MEGF6: variants seen among roughly 807,000 people sequenced by gnomAD.
MEGF6 encodes multiple EGF like domains 6.
A neutral mutation model predicts 207.1 loss-of-function variants in MEGF6; 184 were observed. The ratio of observed to expected loss-of-function variants is 0.89; its 90% CI spans 0.79 to 1.00. MEGF6 has a LOEUF of 1.00. MEGF6 is among the 50% of genes least tolerant of loss of function. The pLI is 0.00. For missense variants in MEGF6, 2,282 were observed against 2,202.9 expected, an observed-to-expected ratio of 1.04 and a Z score of -0.72; for synonymous variants, 1,038 against 910.0, an observed-to-expected ratio of 1.14 and a Z score of -2.53.
chr1:3,510,677 C>T (rs1557734728), intron 10 of MEGF6, 106 bp downstream of exon 10: 11 of 1,427,872 alleles, frequency 7.7e-6, no homozygotes, highest in East Asian at 2.5e-5. Context: ...CAGAGCAGGC[C>T]GACCCCATGC....
intron 17 of MEGF6, among the ~76,000 whole-genome samples, chr1:3,503,561 C>T (rs1425777321): frequency 1.3e-5 from 2 of 151,986 alleles, no homozygotes; most frequent in Non-Finnish European, 2.9e-5. Context: ...TCTGGCGAGG[C>T]CTGTTCACTG....
rs747835471 is a variant in MEGF6 at position 3,514,541 on chromosome 1, G to T, written c.853+9C>A. On this transcript the variant is annotated intron_variant, in intron 7 of 36. Transcript: ENST00000356575. ...CTGGGCGGGGCGGAGCAGGGGAGGG[G>T]CGTCCTACCTTCACAGGCCTTGCCG... 5.0e-6 allele frequency: 8 copies of T among 1,587,842 alleles called. No individual in the cohort carries two copies. In the South Asian group the frequency reaches 9.1e-5, roughly 18 times the overall value.
intron 3 of MEGF6, 31 bp downstream of exon 3, chr1:3,595,307 G>C: frequency 6.6e-7 from 1 of 1,513,262 alleles, no homozygotes; most frequent in South Asian, 1.1e-5. Flanking sequence ...TGGAGGTGGA[G>C]GGAGGGCGGG....
At chr1:3,611,715 A>C, upstream of MEGF6, among the ~76,000 whole-genome samples, 2 of 66,742 alleles carry the variant, frequency 3.0e-5, no homozygotes, top group Non-Finnish European at 7.2e-5. Context: ...TCCTGCTTCC[A>C]GCCCCGCCCC....
rs550541652 is a variant in MEGF6 at position 3,582,799 on chromosome 1, C to G, written c.377-2870G>C. Among the ~76,000 whole-genome samples the G allele has an allele frequency of 3.9e-5, 6 of 152,272 alleles. No homozygotes were observed. The East Asian group carries it at 1.2e-3, about 29-fold the overall frequency. On this transcript the variant is annotated intron_variant, in intron 3 of 36. Transcript: ENST00000356575. ...CCCAAATGTCACTTCCACAGGGAGGCTCCCTAACCCGTCTCCAAATCAGAG... is the reference window on the plus strand; with the variant it reads ...CCCAAATGTCACTTCCACAGGGAGGGTCCCTAACCCGTCTCCAAATCAGAG...
At chr1:3,557,802 C>T (rs999027800) in intron 4 of MEGF6, among the ~76,000 whole-genome samples, 2 of 152,200 alleles carry the variant, frequency 1.3e-5, no homozygotes, top group Admixed American at 6.5e-5. Flanking sequence ...AGAAGCGGCC[C>T]GTGGGCAGAC....
chr1:3,539,429 G>T (rs1418762771), intron 4 of MEGF6, among the ~76,000 whole-genome samples: 1 of 152,066 alleles, frequency 6.6e-6, no homozygotes, highest in African/African-American at 2.4e-5. Flanking sequence ...CTAGGAACAC[G>T]GCCCCACCTG....
chr1:3,554,972 G>A (rs546228390), intron 4 of MEGF6, among the ~76,000 whole-genome samples: 64 of 152,328 alleles, frequency 4.2e-4, no homozygotes, highest in Middle Eastern at 3.4e-3. Context: ...AAGACAGGGC[G>A]GCTGGCAGGG....
intron 4 of MEGF6, among the ~76,000 whole-genome samples, chr1:3,549,618 T>C (rs1445501764): frequency 6.6e-6 from 1 of 152,138 alleles, no homozygotes; most frequent in Non-Finnish European, 1.5e-5. Context: ...CCGAAGACAC[T>C]GGCATGGGAT....
chr1:3,578,120 C>T (rs554052125), intron 4 of MEGF6, among the ~76,000 whole-genome samples: 119 of 152,234 alleles, frequency 7.8e-4, no homozygotes, highest in African/African-American at 2.7e-3. Context: ...GAGGACACGG[C>T]CAGGAAAGGC....
intron 34 of MEGF6, chr1:3,493,302 C>T (rs1281139339): frequency 4.5e-6 from 1 of 223,632 alleles, no homozygotes; most frequent in East Asian, 1.3e-4. Flanking sequence ...CCCTCCTATC[C>T]TCAGGTGGGT....
intron 14 of MEGF6, among the ~76,000 whole-genome samples, chr1:3,506,535 G>A (rs1020316488): frequency 1.3e-5 from 2 of 152,208 alleles, no homozygotes; most frequent in African/African-American, 4.8e-5. Context: ...CCCATCAGGA[G>A]CCGCCTGACT....
chr1:3,548,700 G>A (rs1642793666), intron 4 of MEGF6, among the ~76,000 whole-genome samples: 1 of 152,194 alleles, frequency 6.6e-6, no homozygotes, highest in Non-Finnish European at 1.5e-5. Context: ...CTGGACGCCA[G>A]ATGAGCTTCC....
intron 5 of MEGF6, among the ~76,000 whole-genome samples, chr1:3,518,375 T>C (rs1641621044): frequency 6.6e-6 from 1 of 152,010 alleles, no homozygotes; most frequent in African/African-American, 2.4e-5. Flanking sequence ...TTCCAACCTC[T>C]GCCAGCAGGA....
the MEGF6 span, among the ~76,000 whole-genome samples, chr1:3,622,755 C>T: frequency 6.2e-4 from 95 of 152,304 alleles, no homozygotes; most frequent in African/African-American, 2.2e-3. Context: ...CACTTCTGGC[C>T]TCCAGGGCTA....
At chr1:3,607,715 C>A (rs866552295) in intron 1 of MEGF6, among the ~76,000 whole-genome samples, 5 of 152,248 alleles carry the variant, frequency 3.3e-5, no homozygotes, top group East Asian at 1.9e-4. Context: ...CTGTTCCTTG[C>A]GGCTGGATCC....
intron 4 of MEGF6, among the ~76,000 whole-genome samples, chr1:3,554,152 G>A (rs545514920): frequency 1.3e-5 from 2 of 152,248 alleles, no homozygotes; most frequent in Admixed American, 6.5e-5. Context: ...TCCCGCCCCC[G>A]GCAGCCACCG....
chr1:3,577,507 A>G (rs911714216), intron 4 of MEGF6, among the ~76,000 whole-genome samples: 1 of 152,216 alleles, frequency 6.6e-6, no homozygotes, highest in Non-Finnish European at 1.5e-5. Flanking sequence ...TTCCTCTTTC[A>G]TGAAGCAAAT....
At chr1:3,525,325 AAGGCGGT>A (rs1641920852) in intron 4 of MEGF6, among the ~76,000 whole-genome samples, 1 of 152,152 alleles carries the variant, frequency 6.6e-6, no homozygotes, top group Non-Finnish European at 1.5e-5. Flanking sequence ...GCCCCACTCA[AAGGCGGT>A]AGAGGGGAGT....
Sources: allele counts gnomAD v4.1 joint callset (sites outside exome capture counted in the v4.1 genomes callset), GRCh38; gene constraint gnomAD v4.1.1; transcripts MANE v1.5; gene names NCBI Gene and HGNC (gene_info 2026-07-23, HGNC 2026-07-21).